Variants in ANK1 observed in about 807,000 individuals in gnomAD.
ANK1 encodes the protein ankyrin-1.
ANK1 carries 51 observed loss-of-function variants against 210.4 expected under a neutral mutation model. The ratio of observed to expected loss-of-function variants is 0.24; its 90% confidence interval spans 0.19 to 0.31. The LOEUF (loss-of-function observed/expected upper bound fraction) is 0.31. Ranked by LOEUF, ANK1 falls within the 10% of genes least tolerant of loss-of-function variation. The pLI is 1.00. For missense variants in ANK1, 2,051 were observed against 2,504.4 expected, an observed-to-expected ratio of 0.82 and a Z score of 3.86; for synonymous variants, 967 against 1,025.9, an observed-to-expected ratio of 0.94 and a Z score of 1.10.
intron 38 of ANK1, among the ~76,000 whole-genome samples, chr8:41,670,051 C>T (rs1400927508): frequency 6.6e-6 from 1 of 152,096 alleles, no homozygotes; most frequent in Non-Finnish European, 1.5e-5. Flanking sequence ...TCCAGTCAGC[C>T]TTCTTTCCAC....
At chr8:41,761,212 C>G (rs1329010714) in intron 1 of ANK1, among the ~76,000 whole-genome samples, 7 of 150,834 alleles carry the variant, frequency 4.6e-5, no homozygotes, top group African/African-American at 1.7e-4. Flanking sequence ...GATTCACACA[C>G]ACACACACAG....
intron 23 of ANK1, 92 bp downstream of exon 23, chr8:41,699,360 C>T: frequency 4.1e-6 from 5 of 1,217,970 alleles, no homozygotes; most frequent in Non-Finnish European, 6.1e-6. Context: ...AGCGCCTGGC[C>T]TGCTGTGTCC....
At chr8:41,728,762 A>AC (rs1209556898) in intron 3 of ANK1, among the ~76,000 whole-genome samples, 4 of 152,100 alleles carry the variant, frequency 2.6e-5, no homozygotes, top group Non-Finnish European at 2.9e-5. Flanking sequence ...AGAAAAAAAC[A>AC]CCCCCCGCCA....
At chr8:41,794,535 T>C (rs1224441624) in intron 1 of ANK1, among the ~76,000 whole-genome samples, 9 of 152,360 alleles carry the variant, frequency 5.9e-5, no homozygotes, top group Admixed American at 5.9e-4. Context: ...TTCAACAGAA[T>C]GCAGTTTACT....
chr8:41,675,868 A>G (rs1399604470), intron 37 of ANK1, among the ~76,000 whole-genome samples: 3 of 151,888 alleles, frequency 2.0e-5, no homozygotes, highest in Non-Finnish European at 4.4e-5. Flanking sequence ...TACAGTATGC[A>G]CTCTCTCTTT....
At chr8:41,717,784 C>T in intron 11 of ANK1, 82 bp from the exon 12 acceptor site, 1 of 1,246,434 alleles carries the variant, frequency 8.0e-7, no homozygotes, top group Non-Finnish European at 1.1e-6. Context: ...GTATCTAACG[C>T]TTTCACAAAT....
In ANK1 at chr8:41,845,473, G is replaced by A. The variant is rs73626625; in HGVS notation, c.126+50882C>T. Among the ~76,000 whole-genome samples, 873 of 151,922 alleles carry A rather than the reference G, an allele frequency of 5.7e-3. 10 individuals carry two copies. The highest frequency in any genetic ancestry group is 0.02 in the African/African-American group (841 of 41,428). ...CTTGTATTCTCTTTTCATTTCTCCT[G>A]CTTGCAGTGGTCTCGCGGGGCACAG... On this transcript the variant is annotated intron_variant, in intron 1 of 42. Coordinates refer to the ANK1 transcript ENST00000265709.
chr8:41,661,603 C>T (rs770187415), intron 41 of ANK1, 39 bp from the exon 42 acceptor site: 3 of 1,612,486 alleles, frequency 1.9e-6, no homozygotes, highest in Non-Finnish European at 2.5e-6. Flanking sequence ...GGACAGATCG[C>T]AAAGACGGGC....
chr8:41,742,200 C>T (rs1184275934), intron 2 of ANK1, among the ~76,000 whole-genome samples: 2 of 152,202 alleles, frequency 1.3e-5, no homozygotes, highest in South Asian at 2.1e-4. Flanking sequence ...CATTTGTTCT[C>T]GTTAAATTAT....
At chr8:41,721,867 A>C (rs1276271008) in intron 9 of ANK1, among the ~76,000 whole-genome samples, 1 of 152,202 alleles carries the variant, frequency 6.6e-6, no homozygotes, top group African/African-American at 2.4e-5. Flanking sequence ...AAAGTCACAT[A>C]TTCTCAGTAA....
intron 12 of ANK1, among the ~76,000 whole-genome samples, chr8:41,717,259 G>A (rs1175382337): frequency 6.6e-6 from 1 of 152,218 alleles, no homozygotes. Context: ...ATACGTGCAG[G>A]TGCATGCGTG....
chr8:41,790,006 A>G (rs967538078), intron 1 of ANK1, among the ~76,000 whole-genome samples: 1 of 152,192 alleles, frequency 6.6e-6, no homozygotes, highest in African/African-American at 2.4e-5. Flanking sequence ...ACGTTTGTGA[A>G]GAGGGTGTTC....
intron 1 of ANK1, among the ~76,000 whole-genome samples, chr8:41,783,983 C>T (rs1345032583): frequency 6.0e-5 from 9 of 151,188 alleles, no homozygotes; most frequent in South Asian, 2.1e-4. Context: ...CAGGAGGTCG[C>T]GGCTGCAGTG....
intron 1 of ANK1, among the ~76,000 whole-genome samples, chr8:41,836,891 G>T (rs565093594): frequency 2.0e-5 from 3 of 150,410 alleles, no homozygotes; most frequent in Non-Finnish European, 2.9e-5. Context: ...CTGCACTCCA[G>T]CCTGGGCAAC....
At chr8:41,699,330 T>G in intron 23 of ANK1, 122 bp downstream of exon 23, 1 of 925,912 alleles carries the variant, frequency 1.1e-6, no homozygotes, top group Non-Finnish European at 1.8e-6. Context: ...AAACCGTCTC[T>G]CTCTGCGGGC....
intron 10 of ANK1, among the ~76,000 whole-genome samples, chr8:41,719,418 C>A (rs1165264614): frequency 6.6e-6 from 1 of 152,206 alleles, no homozygotes; most frequent in South Asian, 2.1e-4. Flanking sequence ...CCAAACTCAT[C>A]CCTGACCTCG....
chr8:41,783,161 G>C (rs1845673593), intron 1 of ANK1, among the ~76,000 whole-genome samples: 2 of 152,342 alleles, frequency 1.3e-5, no homozygotes, highest in South Asian at 2.1e-4. Flanking sequence ...TGTGAACCAA[G>C]TCCTATTTCC....
intron 5 of ANK1, among the ~76,000 whole-genome samples, chr8:41,726,268 C>T (rs1453249618): frequency 6.6e-6 from 1 of 152,188 alleles, no homozygotes; most frequent in African/African-American, 2.4e-5. Flanking sequence ...TTTGCCGGCT[C>T]TCTTTCTCAC....
chr8:41,784,546 T>C (rs1323077968), intron 1 of ANK1, among the ~76,000 whole-genome samples: 3 of 152,248 alleles, frequency 2.0e-5, no homozygotes, highest in African/African-American at 7.2e-5. Flanking sequence ...CACTGACAAA[T>C]ATGAAAGGCA....
Sources: gnomAD v4.1 joint callset for allele counts (sites outside exome capture counted in the v4.1 genomes callset) on GRCh38, gnomAD v4.1.1 for gene constraint, MANE v1.5 for transcripts, NCBI Gene and HGNC (gene_info 2026-07-23, HGNC 2026-07-21) for gene names.